UBE2W: variants seen among roughly 807,000 people sequenced by gnomAD.
UBE2W encodes the protein ubiquitin-conjugating enzyme E2 W.
A neutral mutation model predicts 27.2 loss-of-function variants in UBE2W; 18 were observed. The observed-to-expected ratio is 0.66, with a 90% CI of 0.46 to 0.98. UBE2W has a LOEUF of 0.98. Among genes scored for constraint, UBE2W ranks in the 50% least tolerant of loss-of-function variants. The pLI is 0.00. For missense variants in UBE2W, 90 were observed against 180.2 expected (o/e 0.50, Z 2.87); for synonymous variants, 53 against 57.2 (o/e 0.93, Z 0.33).
chr8:73,878,258 G>A (rs1284540527), intron 1 of UBE2W, among the ~76,000 whole-genome samples: 2 of 152,236 alleles, frequency 1.3e-5, no homozygotes, highest in African/African-American at 4.8e-5. Flanking sequence ...TCAAAGGGAA[G>A]AAGAGAGGGA....
intron 1 of UBE2W, among the ~76,000 whole-genome samples, chr8:73,858,055 T>C (rs945505496): frequency 1.3e-5 from 2 of 151,140 alleles, no homozygotes; most frequent in African/African-American, 4.9e-5. Flanking sequence ...TGAAACCCCA[T>C]CTCTACTAAA....
At chr8:73,822,298 AT>A (rs1809647215) in intron 3 of UBE2W, among the ~76,000 whole-genome samples, 1 of 152,052 alleles carries the variant, frequency 6.6e-6, no homozygotes, top group South Asian at 2.1e-4. Flanking sequence ...GACTAGCTGG[AT>A]TTCCTAGGCC....
chr8:73,830,937 T>G (rs1810040111), intron 1 of UBE2W, among the ~76,000 whole-genome samples: 1 of 152,240 alleles, frequency 6.6e-6, no homozygotes, highest in Admixed American at 6.5e-5. Context: ...AAAATTTGAA[T>G]AGCCTGTCCT....
At chr8:73,849,512 CAA>C (rs71269951) in intron 1 of UBE2W, among the ~76,000 whole-genome samples, 245 of 22,662 alleles carry the variant, frequency 0.011, no homozygotes, top group African/African-American at 0.024. Context: ...AACTCCATCT[CAA>C]AAAAAAAAAA....
chr8:73,843,677 C>G (rs1186846331), intron 1 of UBE2W, among the ~76,000 whole-genome samples: 1 of 149,704 alleles, frequency 6.7e-6, no homozygotes, highest in Non-Finnish European at 1.5e-5. Context: ...AGAAACTAAA[C>G]ACAGGTGAAG....
At position 73,790,488 on chromosome 8, in the gene UBE2W, A is replaced by G; in HGVS notation, c.*3614T>C. The G allele has an allele frequency of 1.0e-6, 1 of 984,842 alleles. No individual in the cohort carries two copies. The allele number at this position is 984,842 out of a possible 1,614,324, so 61.0% of individuals were successfully genotyped here. On this transcript the variant is annotated 3_prime_UTR_variant, in exon 6 of 6. Transcript: ENST00000602593. ...GGTTAAGCTTCAGTTCTTTTTGAAA[A>G]GCAATTTACATACACAATTACAAAT...
chr8:73,870,038 T>C (rs1586551900), intron 1 of UBE2W, among the ~76,000 whole-genome samples: 1 of 151,606 alleles, frequency 6.6e-6, no homozygotes, highest in African/African-American at 2.4e-5. Context: ...GGATAAGGAG[T>C]TTCTTTCTGG....
chr8:73,877,323 TATA>T (rs1237585236), intron 1 of UBE2W, among the ~76,000 whole-genome samples: 2 of 152,212 alleles, frequency 1.3e-5, no homozygotes, highest in African/African-American at 4.8e-5. Context: ...TAGTGTAAAG[TATA>T]ATGTTTCCTG....
downstream of UBE2W, among the ~76,000 whole-genome samples, chr8:73,783,909 A>G (rs994896339): frequency 1.3e-5 from 2 of 152,086 alleles, no homozygotes; most frequent in African/African-American, 4.8e-5. Flanking sequence ...TTACAGGCAC[A>G]TGCCACCAGC....
intron 1 of UBE2W, among the ~76,000 whole-genome samples, chr8:73,850,590 T>C (rs888668700): frequency 6.6e-6 from 1 of 151,978 alleles, no homozygotes; most frequent in Non-Finnish European, 1.5e-5. Context: ...TATGAGTCCA[T>C]TTACCTAAAG....
At chr8:73,807,359 C>G (rs796947967) in intron 4 of UBE2W, among the ~76,000 whole-genome samples, 14 of 152,240 alleles carry the variant, frequency 9.2e-5, no homozygotes, top group African/African-American at 3.1e-4. Context: ...GAAAGTCTAA[C>G]CAGAAAGCAA....
intron 1 of UBE2W, among the ~76,000 whole-genome samples, chr8:73,847,567 C>T (rs1448423297): frequency 6.6e-6 from 1 of 152,024 alleles, no homozygotes; most frequent in Non-Finnish European, 1.5e-5. Context: ...TGACCAGGCC[C>T]AAACAAGAAA....
chr8:73,832,703 C>A (rs2130912375), intron 1 of UBE2W, among the ~76,000 whole-genome samples: 1 of 152,282 alleles, frequency 6.6e-6, no homozygotes, highest in Non-Finnish European at 1.5e-5. Flanking sequence ...CATCCCAAAT[C>A]TAAAAAGCCA....
At chr8:73,836,698 T>C (rs1438152753) in intron 1 of UBE2W, among the ~76,000 whole-genome samples, 1 of 152,218 alleles carries the variant, frequency 6.6e-6, no homozygotes, top group Non-Finnish European at 1.5e-5. Context: ...TATAATCACA[T>C]GAGGCTGCAT....
intron 5 of UBE2W, among the ~76,000 whole-genome samples, chr8:73,796,981 A>G (rs1163132892): frequency 2.0e-5 from 3 of 152,248 alleles, no homozygotes; most frequent in Non-Finnish European, 4.4e-5. Flanking sequence ...GGTATATTTA[A>G]TCTCTTGGTT....
At chr8:73,819,547 A>T (rs747814877) in intron 3 of UBE2W, among the ~76,000 whole-genome samples, 5 of 152,250 alleles carry the variant, frequency 3.3e-5, no homozygotes, top group Admixed American at 6.5e-5. Context: ...TGAATTAACC[A>T]ACCATTTACC....
intron 1 of UBE2W, among the ~76,000 whole-genome samples, chr8:73,836,568 T>C (rs553763125): frequency 6.6e-6 from 1 of 152,252 alleles, no homozygotes; most frequent in East Asian, 1.9e-4. Flanking sequence ...AATGTAGACA[T>C]GGAAGAGCTG....
chr8:73,810,380 C>T (rs1809104411), intron 4 of UBE2W, 94 bp downstream of exon 4: 1 of 1,232,906 alleles, frequency 8.1e-7, no homozygotes, highest in East Asian at 2.8e-5. Flanking sequence ...AAGCATAAAT[C>T]CTTCCTCCAA....
chr8:73,840,350 C>G (rs1279361220), intron 1 of UBE2W, among the ~76,000 whole-genome samples: 2 of 152,220 alleles, frequency 1.3e-5, no homozygotes, highest in Admixed American at 6.5e-5. Context: ...GACACCACAT[C>G]CAGCCAAAGC....
Sources: allele counts gnomAD v4.1 joint callset (sites outside exome capture counted in the v4.1 genomes callset), GRCh38; gene constraint gnomAD v4.1.1; transcripts MANE v1.5; gene names NCBI Gene and HGNC (gene_info 2026-07-23, HGNC 2026-07-21).